The following RBFOX1 variants were observed in gnomAD, a reference collection of about 807,000 sequenced individuals.
RBFOX1 encodes the protein RNA binding fox-1 homolog 1, also known as RNA binding protein fox-1 homolog 1.
A neutral mutation model predicts 57.7 loss-of-function variants in RBFOX1; 8 were observed. That is an observed-to-expected ratio of 0.14 (90% CI 0.08 to 0.25). The LOEUF (loss-of-function observed/expected upper bound fraction) is 0.25. Ranked by LOEUF, RBFOX1 falls within the 10% of genes least tolerant of loss-of-function variation. RBFOX1 has a pLI of 1.00. For missense variants in RBFOX1, 611 were observed against 548.5 expected (o/e 1.11, Z -1.14); for synonymous variants, 326 against 222.4 (o/e 1.47, Z -4.15).
intron 1 of RBFOX1, among the ~76,000 whole-genome samples, chr16:5,351,135 C>T (rs1469336291): frequency 6.6e-6 from 1 of 152,216 alleles, no homozygotes; most frequent in Non-Finnish European, 1.5e-5. Flanking sequence ...CTGATACCCT[C>T]ATTTTGCCCA....
intron 2 of RBFOX1, among the ~76,000 whole-genome samples, chr16:6,451,758 G>A (rs2094629620): frequency 6.6e-6 from 1 of 152,132 alleles, no homozygotes; most frequent in African/African-American, 2.4e-5. Context: ...AGTATTATGA[G>A]CAACTTTTGG....
intron 3 of RBFOX1, among the ~76,000 whole-genome samples, chr16:6,836,330 A>ATTTC (rs1567480996): frequency 0.025 from 3,829 of 152,324 alleles, 150 homozygotes; most frequent in African/African-American, 0.087. Flanking sequence ...CTCCAAAGAA[A>ATTTC]GAAAACTGCT....
chr16:5,449,953 G>T (rs936505748), intron 1 of RBFOX1, among the ~76,000 whole-genome samples: 33 of 152,124 alleles, frequency 2.2e-4, no homozygotes, highest in Admixed American at 1.3e-4. Flanking sequence ...CTGAAGCTAT[G>T]CAGAGCTTTC....
intron 4 of RBFOX1, among the ~76,000 whole-genome samples, chr16:7,482,515 C>T (rs959402600): frequency 4.8e-5 from 7 of 145,050 alleles, no homozygotes; most frequent in Admixed American, 2.1e-4. Flanking sequence ...CAAGAGTTTG[C>T]ATGCATCTTC....
chr16:6,786,992 C>T (rs1163153808), intron 3 of RBFOX1, among the ~76,000 whole-genome samples: 1 of 152,072 alleles, frequency 6.6e-6, no homozygotes, highest in East Asian at 1.9e-4. Flanking sequence ...TCACCCATCT[C>T]ACTAAAAACT....
At chr16:6,934,030 C>T (rs970308187) in intron 3 of RBFOX1, among the ~76,000 whole-genome samples, 5 of 152,194 alleles carry the variant, frequency 3.3e-5, no homozygotes, top group African/African-American at 4.8e-5. Context: ...CACGATTGCA[C>T]ACTGGGCTAG....
chr16:6,803,233 C>T (rs186646141), intron 3 of RBFOX1, among the ~76,000 whole-genome samples: 1 of 152,080 alleles, frequency 6.6e-6, no homozygotes, highest in Non-Finnish European at 1.5e-5. Flanking sequence ...TTGCCTATGA[C>T]ATTGCTGTTA....
At chr16:6,607,583 C>G (rs983647991) in intron 2 of RBFOX1, among the ~76,000 whole-genome samples, 1 of 150,778 alleles carries the variant, frequency 6.6e-6, no homozygotes, top group African/African-American at 2.4e-5. Flanking sequence ...TCCGTCCTGT[C>G]TCCCTCCTCT....
chr16:6,172,091 T>G (rs573129971), intron 1 of RBFOX1, among the ~76,000 whole-genome samples: 10 of 152,188 alleles, frequency 6.6e-5, no homozygotes, highest in Admixed American at 3.9e-4. Context: ...AAAGTGCTGG[T>G]ATTACAGGCA....
intron 2 of RBFOX1, among the ~76,000 whole-genome samples, chr16:6,386,182 G>A (rs2092268031): frequency 6.6e-6 from 1 of 152,098 alleles, no homozygotes. Context: ...TGATCCGCCC[G>A]TCTCGGCCTC....
At chr16:5,476,607 G>A (rs2069333996) in intron 2 of RBFOX1, among the ~76,000 whole-genome samples, 1 of 152,220 alleles carries the variant, frequency 6.6e-6, no homozygotes, top group South Asian at 2.1e-4. Context: ...TTGAAGCAAA[G>A]TAAGATAAAT....
intron 14 of RBFOX1, chr16:7,693,395 A>C (rs777774161): frequency 6.6e-7 from 1 of 1,521,666 alleles, no homozygotes; most frequent in Non-Finnish European, 9.1e-7. Flanking sequence ...TTCTTGATGC[A>C]TCCATCCAAG....
intron 4 of RBFOX1, among the ~76,000 whole-genome samples, chr16:7,342,846 G>C (rs898522698): frequency 6.6e-6 from 1 of 152,178 alleles, no homozygotes; most frequent in African/African-American, 2.4e-5. Context: ...GAATGACTAA[G>C]TCCCAGCCTC....
At chr16:6,147,022 C>T (rs1054356897) in intron 1 of RBFOX1, among the ~76,000 whole-genome samples, 1 of 152,184 alleles carries the variant, frequency 6.6e-6, no homozygotes, top group African/African-American at 2.4e-5. Context: ...CATCTGTAGA[C>T]TCACTGCATC....
chr16:6,089,074 A>AT (rs1555503306), intron 1 of RBFOX1, among the ~76,000 whole-genome samples: 30 of 144,456 alleles, frequency 2.1e-4, no homozygotes, highest in South Asian at 1.1e-3. Context: ...TCAAAAAAAA[A>AT]AAAAATATAT....
rs1394601962 is a variant in RBFOX1, at chr16:6,077,595, A to G, written c.-127+57603A>G. 3.3e-5 allele frequency among the ~76,000 whole-genome samples: 5 copies of G among 152,148 alleles called. No individual in the cohort carries two copies. The East Asian group carries it at 9.6e-4, about 29-fold the overall frequency. ...TAAAACAAACCTCCTTAAGTTATATATACTTTGCAACTACATGGTCTTCGG... is the reference window on the plus strand; with the variant it reads ...TAAAACAAACCTCCTTAAGTTATATGTACTTTGCAACTACATGGTCTTCGG... On this transcript the variant is annotated intron_variant, in intron 1 of 15. Transcript: ENST00000550418.
chr16:6,850,135 T>G (rs1469099343), intron 3 of RBFOX1, among the ~76,000 whole-genome samples: 1 of 152,168 alleles, frequency 6.6e-6, no homozygotes, highest in Non-Finnish European at 1.5e-5. Flanking sequence ...AACTTACAAG[T>G]TCCTGCACCC....
chr16:7,246,633 C>CTTT (rs56654382), intron 4 of RBFOX1, among the ~76,000 whole-genome samples: 33 of 105,476 alleles, frequency 3.1e-4, no homozygotes, highest in South Asian at 1.3e-3. Flanking sequence ...TGGTCACCTC[C>CTTT]TTTTTTTTTT....
chr16:5,826,850 G>A (rs2056074241), intron 3 of RBFOX1, among the ~76,000 whole-genome samples: 1 of 152,144 alleles, frequency 6.6e-6, no homozygotes, highest in African/African-American at 2.4e-5. Flanking sequence ...GAGTTCATCT[G>A]ACTTGTGAAG....
Sources: gnomAD v4.1 joint callset for allele counts (sites outside exome capture counted in the v4.1 genomes callset) on GRCh38, gnomAD v4.1.1 for gene constraint, MANE v1.5 for transcripts, NCBI Gene and HGNC (gene_info 2026-07-23, HGNC 2026-07-21) for gene names.